Variants in KDM2A observed in about 807,000 individuals in gnomAD.
KDM2A encodes the protein lysine demethylase 2A.
KDM2A carries 3 observed loss-of-function variants against 137.3 expected under a neutral mutation model. That is an observed-to-expected ratio of 0.02 (90% confidence interval 0.01 to 0.06). The LOEUF is 0.06. Ranked by LOEUF, KDM2A falls within the 10% of genes least tolerant of loss-of-function variation. The probability of loss-of-function intolerance (pLI) is 1.00; values close to 1 mark genes in which losing one functional copy is unlikely to be tolerated. For missense variants in KDM2A, 738 were observed against 1,510.6 expected, an observed-to-expected ratio of 0.49 and a Z score of 8.48; for synonymous variants, 512 against 541.5, an observed-to-expected ratio of 0.95 and a Z score of 0.76.
intron 2 of KDM2A, among the ~76,000 whole-genome samples, chr11:67,166,013 G>A (rs749591958): frequency 1.3e-5 from 2 of 152,010 alleles, no homozygotes; most frequent in Non-Finnish European, 2.9e-5. Flanking sequence ...AATTATAAAA[G>A]GTGGTGAAGA....
At chr11:67,241,821 C>A (rs1382572897) in intron 12 of KDM2A, among the ~76,000 whole-genome samples, 1 of 152,184 alleles carries the variant, frequency 6.6e-6, no homozygotes, top group Admixed American at 6.5e-5. Flanking sequence ...GTAATCCCAG[C>A]ACTTTGGGAG....
At chr11:67,175,253 AC>A (rs1231160824) in intron 2 of KDM2A, among the ~76,000 whole-genome samples, 1 of 152,206 alleles carries the variant, frequency 6.6e-6, no homozygotes, top group Non-Finnish European at 1.5e-5. Context: ...GGAAAAACAG[AC>A]ATCCTTGACA....
chr11:67,254,942 C>T lies in KDM2A; in HGVS notation c.3376C>T (p.Leu1126Phe). ...RRIANVTLIDLRGCKQITRKA... is the reference protein window; with the variant it reads ...RRIANVTLIDFRGCKQITRKA... ...CATTGCCAACGTCACCTTGATCGAC[C>T]TTCGAGGATGCAAGCAGATCACTCG... is the stretch of plus-strand genomic sequence containing the variant. The change falls in exon 21 of 21, where the codon CTT (leucine) becomes TTT (phenylalanine). Residue 1126 changes from leucine to phenylalanine, a missense_variant. Transcript: ENST00000529006. The surrounding 1 kb of genome is among the most constrained non-coding windows in gnomAD (Gnocchi z 4.7). The T allele has an allele frequency of 6.2e-7, 1 of 1,614,002 alleles. No individual in the cohort carries two copies. Among genetic ancestry groups the T allele is most frequent in the Non-Finnish European group, 8.5e-7 (1 of 1,179,882 alleles).
chr11:67,142,507 C>T (rs1856129366), intron 2 of KDM2A, among the ~76,000 whole-genome samples: 1 of 123,350 alleles, frequency 8.1e-6, no homozygotes, highest in Non-Finnish European at 1.6e-5. Context: ...AGAAATTAGC[C>T]GGGTGTGGTG....
chr11:67,235,070 G>A (rs1018702663), intron 12 of KDM2A, among the ~76,000 whole-genome samples: 3 of 150,762 alleles, frequency 2.0e-5, no homozygotes, highest in African/African-American at 4.9e-5. Context: ...GCGTGAACCC[G>A]GGAGGCGGAG....
chr11:67,135,706 T>C (rs980995023), intron 2 of KDM2A, among the ~76,000 whole-genome samples: 3 of 152,272 alleles, frequency 2.0e-5, no homozygotes, highest in Admixed American at 2.0e-4. Context: ...TTGTGTCTTT[T>C]TGTCATTTTA....
chr11:67,184,309 C>T (rs970625239), intron 5 of KDM2A, among the ~76,000 whole-genome samples: 3 of 151,750 alleles, frequency 2.0e-5, no homozygotes, highest in Non-Finnish European at 4.4e-5. Flanking sequence ...GCCTGGCCAA[C>T]ATGGGGAAAC....
At chr11:67,252,601 G>A (rs557608552) in intron 17 of KDM2A, 93 bp from the exon 18 acceptor site, 1 of 1,365,266 alleles carries the variant, frequency 7.3e-7, no homozygotes, top group African/African-American at 1.4e-5. Context: ...GAGCCTCCAG[G>A]TACTCTGCTT....
At chr11:67,253,654 CT>C in intron 19 of KDM2A, 43 bp downstream of exon 19, 1 of 1,601,504 alleles carries the variant, frequency 6.2e-7, no homozygotes, top group Non-Finnish European at 8.5e-7. Flanking sequence ...CTTGGGGTAG[CT>C]TTGTCTTCCA....
At chr11:67,247,067 ATATATTTTTTTTTTTTT>A (rs1859260663) in intron 15 of KDM2A, among the ~76,000 whole-genome samples, 1 of 27,510 alleles carries the variant, frequency 3.6e-5, no homozygotes, top group East Asian at 8.2e-4. Context: ...ATATATATAT[ATATATTTTTTTTTTTTT>A]TTTTTTTTTT....
intron 2 of KDM2A, among the ~76,000 whole-genome samples, chr11:67,129,802 C>G (rs1243816254): frequency 6.6e-6 from 1 of 150,564 alleles, no homozygotes; most frequent in African/African-American, 2.4e-5. Flanking sequence ...TCCCAGCTAC[C>G]CAGGAGGCTG....
intron 10 of KDM2A, among the ~76,000 whole-genome samples, chr11:67,225,452 A>G (rs1650755424): frequency 6.6e-6 from 1 of 151,962 alleles, no homozygotes; most frequent in Admixed American, 6.5e-5. Context: ...CCTGGCCAAC[A>G]TGGTGAAACC....
At position 67,254,193 on chromosome 11, in the gene KDM2A, G is replaced by T. The variant is rs757329876; in HGVS notation, c.3092-10G>T. On this transcript the variant is annotated splice_polypyrimidine_tract_variant and intron_variant, in intron 19 of 20. Coordinates refer to ENST00000529006, the MANE Select transcript of KDM2A (RefSeq NM_012308.3). This position sits in a 1 kb window ranked among gnomAD's most constrained non-coding sequence, Gnocchi z 4.7. ...GAGTTTTGATCTAGGCTCTTCTCTTGCCTGTACAGGTCAGGACAATCGCAG... is the reference window on the plus strand; with the variant it reads ...GAGTTTTGATCTAGGCTCTTCTCTTTCCTGTACAGGTCAGGACAATCGCAG... 2.0e-5 allele frequency: 32 copies of T among 1,611,858 alleles called. No individual in the cohort carries two copies. The highest frequency in any genetic ancestry group is 2.7e-5 in the Non-Finnish European group (32 of 1,178,546).
At chr11:67,223,476 C>T (rs1858436199) in intron 10 of KDM2A, among the ~76,000 whole-genome samples, 1 of 152,072 alleles carries the variant, frequency 6.6e-6, no homozygotes, top group African/African-American at 2.4e-5. Flanking sequence ...GATCTCAGCT[C>T]ATTGCAGCCT....
rs35881675 is a variant in KDM2A at position 67,242,278 on chromosome 11, ATGTG to A, written c.1480-708_1480-705del. Among the ~76,000 whole-genome samples, 182 of 147,716 alleles carry A rather than the reference ATGTG, an allele frequency of 1.2e-3. 1 individual carries two copies. Among genetic ancestry groups the A allele is most frequent in the South Asian group, 4.8e-3 (22 of 4,626 alleles). On this transcript the variant is annotated intron_variant, in intron 12 of 20. Coordinates refer to ENST00000529006, the MANE Select transcript of KDM2A (RefSeq NM_012308.3). Reference sequence around the variant, plus strand: ...AATAGCAGACTCTGTGGGTGTGTGTATGTGTGTGTGTGTGTGTGTGTGTGTGAGA... The same window carrying A: ...AATAGCAGACTCTGTGGGTGTGTGTATGTGTGTGTGTGTGTGTGTGTGAGA...
intron 2 of KDM2A, among the ~76,000 whole-genome samples, chr11:67,175,153 G>T (rs966338791): frequency 1.3e-5 from 2 of 152,122 alleles, no homozygotes; most frequent in African/African-American, 2.4e-5. Context: ...GATATCCAGG[G>T]TTACTGTGAG....
intron 2 of KDM2A, among the ~76,000 whole-genome samples, chr11:67,163,849 CA>C (rs1016301118): frequency 6.7e-5 from 10 of 149,018 alleles, no homozygotes; most frequent in African/African-American, 2.5e-4. Flanking sequence ...AGCGACACTC[CA>C]TCTTAAAAAA....
chr11:67,175,427 G>A (rs1245436942), intron 2 of KDM2A, among the ~76,000 whole-genome samples: 1 of 152,136 alleles, frequency 6.6e-6, no homozygotes, highest in African/African-American at 2.4e-5. Context: ...CAGAGACTCT[G>A]TCTCCGAAAA....
At chr11:67,123,950 T>C (rs187096987) in intron 2 of KDM2A, among the ~76,000 whole-genome samples, 1 of 151,710 alleles carries the variant, frequency 6.6e-6, no homozygotes, top group African/African-American at 2.4e-5. Context: ...GTGCTGAGAT[T>C]ACAGGCATGA....
Sources: gnomAD v4.1 joint callset for allele counts (sites outside exome capture counted in the v4.1 genomes callset) on GRCh38, gnomAD v4.1.1 for gene constraint, Gnocchi (gnomAD v3.1) non-coding constraint, MANE v1.5 for transcripts, NCBI Gene and HGNC (gene_info 2026-07-23, HGNC 2026-07-21) for gene names.